Variants in FILIP1L observed in about 807,000 individuals in gnomAD.
FILIP1L encodes filamin A interacting protein 1 like.
FILIP1L carries 55 observed loss-of-function variants against 96.6 expected under a neutral mutation model. The observed-to-expected ratio is 0.57, with a 90% CI of 0.46 to 0.71. The LOEUF is 0.71. Ranked by LOEUF, FILIP1L falls within the 30% of genes least tolerant of loss-of-function variation. The pLI is 0.00. For missense variants in FILIP1L, 1,304 were observed against 1,321.2 expected, an observed-to-expected ratio of 0.99 and a Z score of 0.20; for synonymous variants, 467 against 473.9, an observed-to-expected ratio of 0.99 and a Z score of 0.19.
chr3:100,018,649 A>G (rs1386028746), intron 1 of FILIP1L, among the ~76,000 whole-genome samples: 2 of 151,786 alleles, frequency 1.3e-5, no homozygotes, highest in Non-Finnish European at 2.9e-5. Context: ...CTGGGTAGGG[A>G]TTTTTTGGAT....
intron 1 of FILIP1L, among the ~76,000 whole-genome samples, chr3:100,006,215 A>G (rs1413065911): frequency 1.3e-5 from 2 of 152,158 alleles, no homozygotes; most frequent in Admixed American, 6.5e-5. Context: ...ATAACCTCAG[A>G]AACTAACCCA....
chr3:100,014,731 G>T (rs535051303), intron 1 of FILIP1L, among the ~76,000 whole-genome samples: 1 of 148,540 alleles, frequency 6.7e-6, no homozygotes, highest in East Asian at 2.0e-4. Context: ...TTTGGATATT[G>T]GATATTAACC....
At position 100,031,972 on chromosome 3, in the gene FILIP1L, T is replaced by TGAATGTATGTATGTATA. The variant is rs1252660414; in HGVS notation, c.-11+82080_-11+82081insTATACATACATACATTC. 5.3e-4 allele frequency among the ~76,000 whole-genome samples: 81 copies of TGAATGTATGTATGTATA among 152,292 alleles called. 3 individuals are homozygous for TGAATGTATGTATGTATA. In the East Asian group the frequency reaches 0.015, roughly 29 times the overall value. Reference sequence around the variant, plus strand: ...ACAGTTAAATTTGAATTTTATGTATTTTTCATGCATCATGAAAAATCCTAA... The same window carrying TGAATGTATGTATGTATA: ...ACAGTTAAATTTGAATTTTATGTATTGAATGTATGTATGTATATTTCATGCATCATGAAAAATCCTAA... On this transcript the variant is annotated intron_variant, in intron 1 of 5. Coordinates refer to ENST00000477258, the MANE Select transcript of FILIP1L (RefSeq NM_001387850.1).
chr3:100,029,949 A>C lies in FILIP1L; in HGVS notation c.-11+84104T>G, dbSNP rs184290828. On this transcript the variant is annotated intron_variant, in intron 1 of 5. Transcript: ENST00000477258. ...CGTTTAGAAGCAGCCCAGGTGTGACATGAGTGAGGACTCTAAGAAGAAAAA... is the reference window on the plus strand; with the variant it reads ...CGTTTAGAAGCAGCCCAGGTGTGACCTGAGTGAGGACTCTAAGAAGAAAAA... 6.7e-4 allele frequency among the ~76,000 whole-genome samples: 102 copies of C among 152,336 alleles called. 1 individual carries two copies. The highest frequency in any genetic ancestry group is 6.7e-3 in the Admixed American group (102 of 15,290).
chr3:100,008,206 A>G (rs145642254), intron 1 of FILIP1L, among the ~76,000 whole-genome samples: 2 of 152,312 alleles, frequency 1.3e-5, no homozygotes, highest in African/African-American at 2.4e-5. Context: ...GAGCCTTTCC[A>G]TAACTTTAAG....
At position 99,942,968 on chromosome 3, in the gene FILIP1L, G is replaced by A. The variant is rs1396443579; in HGVS notation, c.-10-11938C>T. 3.9e-5 allele frequency among the ~76,000 whole-genome samples: 6 copies of A among 152,270 alleles called. No individual in the cohort carries two copies. The East Asian group carries it at 5.8e-4, about 15-fold the overall frequency. On this transcript the variant is annotated intron_variant, in intron 1 of 5. Transcript: ENST00000477258. ...ACAGAGAAACAGGAGAGTAAACTAT[G>A]TCCCAGGAGCCAAGAGAGAATTATT...
intron 1 of FILIP1L, among the ~76,000 whole-genome samples, chr3:100,113,758 C>G (rs143052485): frequency 6.6e-6 from 1 of 152,256 alleles, no homozygotes; most frequent in East Asian, 1.9e-4. Context: ...TTTTGACTAT[C>G]CATCTTACTC....
chr3:99,853,937 T>C (rs1308998291), intron 4 of FILIP1L, among the ~76,000 whole-genome samples: 1 of 152,210 alleles, frequency 6.6e-6, no homozygotes, highest in Non-Finnish European at 1.5e-5. Context: ...CAGGAGGCCC[T>C]GATGGAATCT....
intron 1 of FILIP1L, among the ~76,000 whole-genome samples, chr3:100,076,293 A>G (rs2065849547): frequency 6.6e-6 from 1 of 152,126 alleles, no homozygotes; most frequent in African/African-American, 2.4e-5. Context: ...CCCTCTCTAA[A>G]GGCCTCTCAG....
intron 1 of FILIP1L, among the ~76,000 whole-genome samples, chr3:99,938,082 CGCGCGCGCGT>C (rs962336385): frequency 1.1e-4 from 16 of 151,434 alleles, no homozygotes; most frequent in Admixed American, 5.9e-4. Flanking sequence ...TGTGCGCGCG[CGCGCGCGCGT>C]GCATGCACAC....
rs1254121664 is a variant in FILIP1L at position 99,829,535 on chromosome 3, A to G, written c.*879T>C. ...GAATTATTTCACTTTCCTGTTTTAC[A>G]TGTGGAAACTCAAGGCTTAGATTGA... On this transcript the variant is annotated 3_prime_UTR_variant, in exon 6 of 6. Coordinates refer to ENST00000477258, the MANE Select transcript of FILIP1L (RefSeq NM_001387850.1). Among the ~76,000 whole-genome samples, 1 of 152,242 alleles carries G rather than the reference A, an allele frequency of 6.6e-6. No homozygotes were observed. Among genetic ancestry groups the G allele is most frequent in the Non-Finnish European group, 1.5e-5 (1 of 68,040 alleles).
chr3:100,047,082 T>C (rs193174832), intron 1 of FILIP1L, among the ~76,000 whole-genome samples: 142 of 152,368 alleles, frequency 9.3e-4, no homozygotes, highest in African/African-American at 3.2e-3. Flanking sequence ...CCAAAACTGC[T>C]AAATGTTTAG....
At chr3:99,921,697 AATCCTATAAAGGAAACTTTAT>A (rs1707128696) in intron 4 of FILIP1L, among the ~76,000 whole-genome samples, 1 of 152,240 alleles carries the variant, frequency 6.6e-6, no homozygotes, top group South Asian at 2.1e-4. Flanking sequence ...CAAGGTAAAG[AATCCTATAAAGGAAACTTTAT>A]ATCCTATAAA....
At chr3:99,860,648 A>G (rs778706532) in intron 4 of FILIP1L, among the ~76,000 whole-genome samples, 15 of 152,164 alleles carry the variant, frequency 9.9e-5, no homozygotes, top group Admixed American at 5.9e-4. Context: ...CTGGGCTAGA[A>G]AAGACACTGT....
intron 1 of FILIP1L, among the ~76,000 whole-genome samples, chr3:100,078,286 G>T (rs190621930): frequency 2.0e-4 from 31 of 152,222 alleles, no homozygotes; most frequent in Admixed American, 7.2e-4. Context: ...ATGCACCCTT[G>T]CATTTTAGCC....
chr3:100,009,662 A>G (rs1383747603), intron 1 of FILIP1L, among the ~76,000 whole-genome samples: 2 of 152,234 alleles, frequency 1.3e-5, no homozygotes, highest in Admixed American at 6.5e-5. Flanking sequence ...TGTTAAGGGG[A>G]AAGAAAGTCA....
intron 1 of FILIP1L, among the ~76,000 whole-genome samples, chr3:100,087,934 A>G (rs6414383): frequency 0.99 from 149,374 of 151,340 alleles, 73,725 homozygotes; most frequent in Middle Eastern, 1. Context: ...GGGTTCAAGC[A>G]ATTCTCCTGC....
intron 5 of FILIP1L, among the ~76,000 whole-genome samples, chr3:99,843,905 C>T (rs1259071773): frequency 1.3e-5 from 2 of 152,174 alleles, no homozygotes; most frequent in Non-Finnish European, 2.9e-5. Flanking sequence ...ACTGCACATG[C>T]GAGGGGTCTA....
chr3:99,882,918 G>T (rs2107604410), intron 4 of FILIP1L, among the ~76,000 whole-genome samples: 1 of 152,282 alleles, frequency 6.6e-6, no homozygotes, highest in East Asian at 1.9e-4. Flanking sequence ...ACTAAGATTG[G>T]CCACATGTCA....
Sources: gnomAD v4.1 joint callset for allele counts (sites outside exome capture counted in the v4.1 genomes callset) on GRCh38, gnomAD v4.1.1 for gene constraint, MANE v1.5 for transcripts, NCBI Gene and HGNC (gene_info 2026-07-23, HGNC 2026-07-21) for gene names.